Variants in TLL2 observed in about 807,000 individuals in gnomAD.
The protein encoded by TLL2 is tolloid like 2, also known as tolloid-like protein 2.
In TLL2, 106 loss-of-function variants were observed where a neutral mutation model predicts 123.0. The ratio of observed to expected loss-of-function variants is 0.86; its 90% CI spans 0.74 to 1.01. TLL2 has a LOEUF of 1.01. Among genes scored for constraint, TLL2 ranks in the 50% least tolerant of loss-of-function variants. The probability of loss-of-function intolerance (pLI) is 0.00; values close to 1 mark genes in which losing one functional copy is unlikely to be tolerated. For synonymous variants in TLL2, 494 were observed against 516.8 expected, an observed-to-expected ratio of 0.96 and a Z score of 0.60; for missense variants, 1,332 against 1,336.7, an observed-to-expected ratio of 1.00 and a Z score of 0.06.
rs568570769 is a variant in TLL2, at chr10:96,410,671, C to T, written c.1049-197G>A. The T allele has an allele frequency of 3.1e-4, 205 of 661,934 alleles. 2 individuals are homozygous for T. Among genetic ancestry groups the T allele is most frequent in the Admixed American group, 2.2e-3 (106 of 48,606 alleles). The allele number at this position is 661,934 out of a possible 1,614,324, so 41.0% of individuals were successfully genotyped here. ...GTAGGACCTAGGAGTCAAAAAGGAA[C>T]GCCCAGGAATTTCTTCTGAGGCTCT... On this transcript the variant is annotated intron_variant, in intron 8 of 20. Coordinates refer to ENST00000357947, the MANE Select transcript of TLL2 (RefSeq NM_012465.4).
chr10:96,442,811 C>T (rs1846862322), intron 3 of TLL2, among the ~76,000 whole-genome samples: 1 of 152,194 alleles, frequency 6.6e-6, no homozygotes, highest in Non-Finnish European at 1.5e-5. Flanking sequence ...CTGTGGAATC[C>T]CAGTCCAGAG....
intron 1 of TLL2, among the ~76,000 whole-genome samples, chr10:96,507,429 G>C (rs1847588940): frequency 6.6e-6 from 1 of 151,984 alleles, no homozygotes; most frequent in Non-Finnish European, 1.5e-5. Flanking sequence ...GATCAGGTCT[G>C]AAATTAAGAA....
chr10:96,401,078 G>A (rs77520132), intron 10 of TLL2, among the ~76,000 whole-genome samples: 1,526 of 152,258 alleles, frequency 0.01, 17 homozygotes, highest in Middle Eastern at 0.034. Flanking sequence ...ACTGAAATCC[G>A]GTTCCTGGAT....
intron 2 of TLL2, among the ~76,000 whole-genome samples, chr10:96,469,358 C>T (rs1847156950): frequency 6.6e-6 from 1 of 152,262 alleles, no homozygotes; most frequent in Non-Finnish European, 1.5e-5. Context: ...TTACTTCCTA[C>T]AAGAACCAGT....
At chr10:96,460,226 A>G (rs1248497012) in intron 2 of TLL2, among the ~76,000 whole-genome samples, 1 of 152,232 alleles carries the variant, frequency 6.6e-6, no homozygotes, top group Non-Finnish European at 1.5e-5. Flanking sequence ...AATGAGAAAA[A>G]CTTTGTATCC....
At chr10:96,443,804 G>A (rs992035358) in intron 3 of TLL2, among the ~76,000 whole-genome samples, 2 of 152,220 alleles carry the variant, frequency 1.3e-5, no homozygotes, top group Non-Finnish European at 2.9e-5. Context: ...TGTCTGGGGA[G>A]CCCAAAAACT....
At chr10:96,447,373 G>T (rs1167156517) in intron 2 of TLL2, among the ~76,000 whole-genome samples, 2 of 152,234 alleles carry the variant, frequency 1.3e-5, no homozygotes, top group African/African-American at 4.8e-5. Context: ...TACCAAGATT[G>T]CCCTGGGACA....
At chr10:96,451,163 A>T (rs1846955649) in intron 2 of TLL2, among the ~76,000 whole-genome samples, 1 of 152,198 alleles carries the variant, frequency 6.6e-6, no homozygotes, top group South Asian at 2.1e-4. Flanking sequence ...TCCTTTATGG[A>T]ACAATTCACT....
At chr10:96,468,187 C>T (rs761334131) in intron 2 of TLL2, among the ~76,000 whole-genome samples, 1 of 152,200 alleles carries the variant, frequency 6.6e-6, no homozygotes, top group Non-Finnish European at 1.5e-5. Context: ...TACTTCATTT[C>T]CACGTCCTCC....
At chr10:96,371,826 G>A (rs575972626) in intron 19 of TLL2, among the ~76,000 whole-genome samples, 206 of 152,320 alleles carry the variant, frequency 1.4e-3, no homozygotes, top group African/African-American at 4.7e-3. Context: ...GGCGAGAGAA[G>A]CCAGGGTATT....
chr10:96,380,351 T>C lies in TLL2; in HGVS notation c.2195-1259A>G, dbSNP rs77411581. On this transcript the variant is annotated intron_variant, in intron 16 of 20. Coordinates refer to ENST00000357947, the MANE Select transcript of TLL2 (RefSeq NM_012465.4). ...CCTCTCTATATGCTCTTGTTCACCA[T>C]TGTTAATGTCTCCTTGAACAATGTA... 2.6e-4 allele frequency among the ~76,000 whole-genome samples: 39 copies of C among 152,222 alleles called. No individual in the cohort carries two copies. In the East Asian group the frequency reaches 7.3e-3, roughly 29 times the overall value.
chr10:96,508,778 G>C (rs942181073), intron 1 of TLL2, among the ~76,000 whole-genome samples: 7 of 151,898 alleles, frequency 4.6e-5, no homozygotes, highest in Non-Finnish European at 7.4e-5. Context: ...TGGATATTCA[G>C]GGAAGTTAAT....
chr10:96,383,067 G>T (rs575941015), intron 16 of TLL2, among the ~76,000 whole-genome samples: 1 of 151,456 alleles, frequency 6.6e-6, no homozygotes, highest in Non-Finnish European at 1.5e-5. Context: ...AGGTGATGGT[G>T]TGGGGGAACA....
intron 1 of TLL2, among the ~76,000 whole-genome samples, chr10:96,506,680 T>C (rs1847582741): frequency 6.6e-6 from 1 of 150,862 alleles, no homozygotes; most frequent in South Asian, 2.1e-4. Context: ...GCTGTGTGGA[T>C]GGCTCGGTGG....
chr10:96,423,644 A>G (rs1486951090), intron 5 of TLL2, among the ~76,000 whole-genome samples: 1 of 152,252 alleles, frequency 6.6e-6, no homozygotes, highest in Non-Finnish European at 1.5e-5. Flanking sequence ...AAATGAAACA[A>G]AGAAATGGTA....
intron 13 of TLL2, among the ~76,000 whole-genome samples, chr10:96,387,976 GTCT>G (rs2134059025): frequency 6.6e-6 from 1 of 152,340 alleles, no homozygotes; most frequent in South Asian, 2.1e-4. Context: ...CGAGAAAGGA[GTCT>G]AGTGAAGGGA....
At chr10:96,386,869 G>A (rs1846239158) in intron 14 of TLL2, 84 bp downstream of exon 14, 2 of 1,579,154 alleles carry the variant, frequency 1.3e-6, no homozygotes, top group Middle Eastern at 1.7e-4. Flanking sequence ...TACACAGCCA[G>A]CTGGTTGCCC....
intron 13 of TLL2, among the ~76,000 whole-genome samples, chr10:96,389,103 T>G (rs1315456153): frequency 2.6e-5 from 4 of 152,218 alleles, no homozygotes; most frequent in Admixed American, 6.5e-5. Context: ...AGAAAATAGT[T>G]GATAAAAAGT....
At chr10:96,384,800 G>A (rs374610384) in intron 15 of TLL2, 33 bp from the exon 16 acceptor site, 5 of 1,538,886 alleles carry the variant, frequency 3.2e-6, no homozygotes, top group Non-Finnish European at 3.5e-6. Context: ...GCTTCCCAGA[G>A]TCCCTGTCCC....
Sources: gnomAD v4.1 joint callset for allele counts (sites outside exome capture counted in the v4.1 genomes callset) on GRCh38, gnomAD v4.1.1 for gene constraint, MANE v1.5 for transcripts, NCBI Gene and HGNC (gene_info 2026-07-23, HGNC 2026-07-21) for gene names.